DIAPH3: variants seen among roughly 807,000 people sequenced by gnomAD.
DIAPH3 encodes protein diaphanous homolog 3.
Under a neutral mutation model 144.3 loss-of-function variants are expected in DIAPH3, and 117 were observed. The observed-to-expected ratio is 0.81, with a 90% CI of 0.70 to 0.95. DIAPH3 has a LOEUF of 0.95. DIAPH3 is among the 40% of genes least tolerant of loss of function. The pLI is 0.00. For missense variants in DIAPH3, 1,421 were observed against 1,412.7 expected (o/e 1.01, Z -0.09); for synonymous variants, 519 against 488.9 (o/e 1.06, Z -0.81).
intron 25 of DIAPH3, among the ~76,000 whole-genome samples, chr13:59,799,538 T>C (rs186442442): frequency 1.5e-4 from 23 of 152,320 alleles, no homozygotes; most frequent in South Asian, 6.2e-4. Flanking sequence ...GTCCTAACTA[T>C]GAAATTCCCC....
chr13:59,731,017 G>A (rs2138979902), intron 27 of DIAPH3, among the ~76,000 whole-genome samples: 1 of 152,068 alleles, frequency 6.6e-6, no homozygotes, highest in East Asian at 1.9e-4. Flanking sequence ...TCTTCTACTG[G>A]TTCTTCTAAA....
At chr13:60,074,109 A>G (rs1231874707) in intron 4 of DIAPH3, among the ~76,000 whole-genome samples, 1 of 152,206 alleles carries the variant, frequency 6.6e-6, no homozygotes, top group Non-Finnish European at 1.5e-5. Flanking sequence ...GCCTGCTAAG[A>G]TGCTGACGAC....
At chr13:60,162,953 C>T (rs867771699) in intron 1 of DIAPH3, among the ~76,000 whole-genome samples, 2 of 152,128 alleles carry the variant, frequency 1.3e-5, no homozygotes, top group Non-Finnish European at 2.9e-5. Flanking sequence ...TTTACACACA[C>T]AAACCCCAAA....
intron 5 of DIAPH3, among the ~76,000 whole-genome samples, chr13:60,020,315 T>G (rs539534906): frequency 1.3e-5 from 2 of 152,280 alleles, no homozygotes; most frequent in South Asian, 2.1e-4. Flanking sequence ...GTCTCAACCT[T>G]CAAGCTAGAA....
chr13:59,892,199 G>A (rs1244820086), intron 20 of DIAPH3, among the ~76,000 whole-genome samples: 1 of 151,862 alleles, frequency 6.6e-6, no homozygotes, highest in Non-Finnish European at 1.5e-5. Flanking sequence ...GAATGATGGG[G>A]GGCAGCATCA....
At chr13:59,706,983 CAT>C (rs1249252433) in intron 27 of DIAPH3, among the ~76,000 whole-genome samples, 2 of 152,098 alleles carry the variant, frequency 1.3e-5, no homozygotes, top group African/African-American at 4.8e-5. Flanking sequence ...TTGACACATG[CAT>C]ATAAATGCAA....
At chr13:59,963,464 T>G in intron 17 of DIAPH3, among the ~76,000 whole-genome samples, 1 of 152,200 alleles carries the variant, frequency 6.6e-6, no homozygotes, top group Non-Finnish European at 1.5e-5. Context: ...TACTATTTAT[T>G]TAATACCAAA....
At chr13:59,893,476 C>CA (rs2045923959) in intron 20 of DIAPH3, among the ~76,000 whole-genome samples, 1 of 152,058 alleles carries the variant, frequency 6.6e-6, no homozygotes, top group South Asian at 2.1e-4. Flanking sequence ...GTCAGTTAGT[C>CA]ACAGAGTAAA....
chr13:60,114,030 G>A (rs976991933), intron 2 of DIAPH3, among the ~76,000 whole-genome samples: 2 of 152,210 alleles, frequency 1.3e-5, no homozygotes, highest in South Asian at 4.1e-4. Context: ...CAAAAGACTG[G>A]AGAGAAATCC....
rs182888559 is a variant in DIAPH3 at position 60,035,440 on chromosome 13, C to G, written c.626+7250G>C. ...CTAGAGGTCTCTTAGAGAAATGGTG[C>G]TAGGTTTGGAAGGACTGTGAAAGCA... On this transcript the variant is annotated intron_variant, in intron 5 of 27. Transcript: ENST00000400324. Among the ~76,000 whole-genome samples the G allele has an allele frequency of 2.9e-3, 434 of 152,262 alleles. 2 individuals carry two copies. Among genetic ancestry groups the G allele is most frequent in the African/African-American group, 9.1e-3 (379 of 41,560 alleles).
intron 12 of DIAPH3, among the ~76,000 whole-genome samples, chr13:59,989,957 T>G (rs1050790256): frequency 1.6e-4 from 25 of 151,870 alleles, no homozygotes; most frequent in Admixed American, 1.6e-3. Flanking sequence ...GGAGTTTACT[T>G]TAGAGTAAAT....
chr13:59,682,945 G>C (rs1226105263), intron 27 of DIAPH3, among the ~76,000 whole-genome samples: 2 of 152,144 alleles, frequency 1.3e-5, no homozygotes, highest in African/African-American at 4.8e-5. Context: ...GTTAAAAGCG[G>C]TACTTTAATG....
In DIAPH3 at chr13:59,904,703, C is replaced by T. The variant is rs576396188; in HGVS notation, c.2367+7032G>A. On this transcript the variant is annotated intron_variant, in intron 20 of 27. Coordinates refer to ENST00000400324, the MANE Select transcript of DIAPH3 (RefSeq NM_001042517.2). ...TTATGCAGATCTTCATTTTAATTCACTTTTAAAACCAAACTTCAAAGATGC... is the reference window on the plus strand; with the variant it reads ...TTATGCAGATCTTCATTTTAATTCATTTTTAAAACCAAACTTCAAAGATGC... Among the ~76,000 whole-genome samples the T allele has an allele frequency of 5.3e-5, 8 of 152,220 alleles. No homozygotes were observed. The South Asian group carries it at 1.7e-3, about 32-fold the overall frequency.
At position 60,110,496 on chromosome 13, in the gene DIAPH3, C is replaced by A. The variant is rs907848484; in HGVS notation, c.390+1514G>T. ...GAAGTTTGAAAAATATCCTAATCCA[C>A]ATTTAAAGAAGGCAACAACACCCTT... On this transcript the variant is annotated intron_variant, in intron 3 of 27. Transcript: ENST00000400324. 5.3e-5 allele frequency among the ~76,000 whole-genome samples: 8 copies of A among 152,286 alleles called. No homozygotes were observed. The East Asian group carries it at 1.5e-3, about 29-fold the overall frequency.
rs1566841847 is a variant in DIAPH3 at position 60,163,732 on chromosome 13, G to GTAGGGAGT, written c.34_35insACTCCCTA (p.Ala12AspfsTer54). 1.9e-6 allele frequency: 3 copies of GTAGGGAGT among 1,605,816 alleles called. No homozygotes were observed. The highest frequency in any genetic ancestry group is 1.7e-6 in the Non-Finnish European group (2 of 1,176,476). ...GGGAGTCCCAGCGGCTGAGCCTTGG[G>GTAGGGAGT]CCGGGTGGTGCAGCCGCGGCTGGTG... On this transcript the variant is annotated frameshift_variant, in exon 1 of 28. Transcript: ENST00000400324. LOFTEE classifies it high-confidence loss of function.
intron 25 of DIAPH3, among the ~76,000 whole-genome samples, chr13:59,792,278 T>C (rs1185929400): frequency 1.3e-5 from 2 of 152,136 alleles, no homozygotes; most frequent in Non-Finnish European, 2.9e-5. Context: ...CACTTTTTTT[T>C]CCTCATGTAA....
intron 27 of DIAPH3, 181 bp downstream of exon 27, chr13:59,774,008 G>T: frequency 4.2e-6 from 2 of 481,504 alleles, no homozygotes; most frequent in Non-Finnish European, 7.2e-6. Context: ...CAACCTCAAG[G>T]CAATAATATA....
intron 13 of DIAPH3, among the ~76,000 whole-genome samples, chr13:59,983,507 TAA>T (rs1335896659): frequency 6.6e-6 from 1 of 151,666 alleles, no homozygotes; most frequent in African/African-American, 2.4e-5. Context: ...GTAAAGATGA[TAA>T]TGACTACTCC....
intron 27 of DIAPH3, among the ~76,000 whole-genome samples, chr13:59,765,986 A>G (rs1014347044): frequency 6.6e-6 from 1 of 152,194 alleles, no homozygotes; most frequent in African/African-American, 2.4e-5. Flanking sequence ...ATGGAATACA[A>G]CAGCAGAAAC....
Sources: gnomAD v4.1 joint callset for allele counts (sites outside exome capture counted in the v4.1 genomes callset) on GRCh38, gnomAD v4.1.1 for gene constraint, MANE v1.5 for transcripts, NCBI Gene and HGNC (gene_info 2026-07-23, HGNC 2026-07-21) for gene names.